DMAC2L: variants seen among roughly 807,000 people sequenced by gnomAD.
DMAC2L encodes ATP synthase subunit s, mitochondrial.
DMAC2L carries 21 observed loss-of-function variants against 22.5 expected under a neutral mutation model. The observed-to-expected ratio is 0.93, with a 90% CI of 0.66 to 1.34. The LOEUF (loss-of-function observed/expected upper bound fraction) is 1.34, where lower values mean the gene tolerates loss of function less well. Among genes scored for constraint, DMAC2L ranks in the 40% most tolerant of loss-of-function variants. The pLI is 0.00. For synonymous variants in DMAC2L, 86 were observed against 89.5 expected (o/e 0.96, Z 0.22); for missense variants, 239 against 246.5 (o/e 0.97, Z 0.20).
At chr14:50,320,068 A>G (rs1328372034) in intron 2 of DMAC2L, among the ~76,000 whole-genome samples, 1 of 152,070 alleles carries the variant, frequency 6.6e-6, no homozygotes, top group Non-Finnish European at 1.5e-5. Context: ...CAACCGTAAC[A>G]ATGCCAATGC....
chr14:50,318,932 C>A, intron 2 of DMAC2L: 2 of 699,374 alleles, frequency 2.9e-6, no homozygotes, highest in Non-Finnish European at 3.5e-6. Context: ...GTGTCTCTTT[C>A]TCCTTTGTTC....
At chr14:50,312,173 T>A (rs768957165), upstream of DMAC2L, 2 of 1,607,700 alleles carry the variant, frequency 1.2e-6, no homozygotes, top group East Asian at 2.2e-5. Flanking sequence ...CTCCCCTCCC[T>A]CAGCGCTCAG....
chr14:50,325,574 G>A, intron 5 of DMAC2L, 35 bp from the exon 6 acceptor site: 1 of 1,558,132 alleles, frequency 6.4e-7, no homozygotes, highest in Non-Finnish European at 8.8e-7. Context: ...TAATGCTCTT[G>A]GCCAAATTGA....
Position 50,314,600 on chromosome 14 carries a change from C to T in DMAC2L, c.-32C>T. The stretch of plus-strand genomic sequence containing the variant: ...GTTTTTGTTTCTCTAGGATAAGTGC[C>T]CAAGAGTACAATTGCTGGGTCATAT... On this transcript the variant is annotated 5_prime_UTR_variant, in exon 2 of 6. Coordinates refer to ENST00000557421, the MANE Select transcript of DMAC2L (RefSeq NM_001382507.1). 2.2e-6 allele frequency: 1 copy of T among 455,382 alleles called. No individual in the cohort carries two copies. The highest frequency in any genetic ancestry group is 1.5e-5 in the South Asian group (1 of 64,524). 28.2% of individuals were successfully genotyped at this position (455,382 alleles called of 1,614,324 possible). A position where few individuals can be genotyped will look rare whatever the true frequency, so the allele number is the denominator to read the frequency against.
chr14:50,325,159 T>G (rs2032625770), intron 5 of DMAC2L, among the ~76,000 whole-genome samples: 2 of 152,190 alleles, frequency 1.3e-5, no homozygotes, highest in African/African-American at 2.4e-5. Flanking sequence ...CTTTAATATA[T>G]AATGGATCTG....
chr14:50,319,255 G>C, intron 2 of DMAC2L: 1 of 1,536,094 alleles, frequency 6.5e-7, no homozygotes, highest in East Asian at 2.4e-5. Context: ...TAGTGGAGCA[G>C]AGGCTTGCAG....
chr14:50,322,729 C>G lies in DMAC2L; in HGVS notation c.316+10C>G, dbSNP rs746213640. ...GGATTTGATCACATGGGTAACTACC[C>G]TATCGTTTTGCTAATAGAAAATGCA... On this transcript the variant is annotated intron_variant, in intron 4 of 5. Coordinates refer to ENST00000557421, the MANE Select transcript of DMAC2L (RefSeq NM_001382507.1). 6 of 1,613,964 alleles carry G rather than the reference C, an allele frequency of 3.7e-6. No homozygotes were observed. Among genetic ancestry groups the G allele is most frequent in the East Asian group, 2.2e-5 (1 of 44,898 alleles).
At chr14:50,313,214 C>T (rs2031420001) in intron 1 of DMAC2L, among the ~76,000 whole-genome samples, 1 of 152,206 alleles carries the variant, frequency 6.6e-6, no homozygotes, top group Admixed American at 6.5e-5. Flanking sequence ...AGGGTTAGGA[C>T]AGCTGAACAT....
intron 3 of DMAC2L, among the ~76,000 whole-genome samples, chr14:50,322,292 C>T (rs1394489544): frequency 6.6e-6 from 1 of 152,180 alleles, no homozygotes; most frequent in Non-Finnish European, 1.5e-5. Context: ...TGACAGCGTT[C>T]ACGTGGAAAC....
chr14:50,315,883 C>A (rs542667177), intron 2 of DMAC2L, among the ~76,000 whole-genome samples: 20 of 152,166 alleles, frequency 1.3e-4, no homozygotes, highest in African/African-American at 4.6e-4. Flanking sequence ...GTGCAAGTAT[C>A]TTTTTTGTAT....
intron 4 of DMAC2L, 139 bp downstream of exon 4, chr14:50,322,858 T>G (rs965781990): frequency 6.0e-6 from 9 of 1,488,742 alleles, no homozygotes; most frequent in Non-Finnish European, 8.1e-6. Flanking sequence ...CTTCCTGTGT[T>G]TGATATTTAT....
rs1399187606 is a variant in DMAC2L, at chr14:50,326,812, G to A, written c.*1089G>A. Reference sequence around the variant, plus strand: ...TCCCAGTGCTTTGGGAGGCTGAGGTGGGAGGATCACTTGAGACCAGGAGTT... The same window carrying A: ...TCCCAGTGCTTTGGGAGGCTGAGGTAGGAGGATCACTTGAGACCAGGAGTT... On this transcript the variant is annotated 3_prime_UTR_variant, in exon 6 of 6. Coordinates refer to ENST00000557421, the MANE Select transcript of DMAC2L (RefSeq NM_001382507.1). 2.1e-6 allele frequency: 2 copies of A among 949,996 alleles called. No homozygotes were observed. The highest frequency in any genetic ancestry group is 4.9e-5 in the South Asian group (1 of 20,500). 58.8% of individuals were successfully genotyped at this position (949,996 alleles called of 1,614,324 possible).
chr14:50,322,588 T>G lies in DMAC2L; in HGVS notation c.185T>G (p.Val62Gly), dbSNP rs1595212456. Reference sequence around the variant, plus strand: ...TGGTTGCTGCGCTGTGGGGCCATGGTGCGCTACCATGGCCAGGAGAGGTGG... The same window carrying G: ...TGGTTGCTGCGCTGTGGGGCCATGGGGCGCTACCATGGCCAGGAGAGGTGG... Reference protein sequence around the residue: ...SEWLLRCGAMVRYHGQERWQK... With the variant: ...SEWLLRCGAMGRYHGQERWQK... The change falls in exon 4 of 6, where the codon GTG becomes GGG. Residue 62 changes from valine to glycine, a missense_variant. Val to Gly is a moderately radical substitution (Grantham distance 109). Transcript: ENST00000557421. 1 of 1,614,170 alleles carries G rather than the reference T, an allele frequency of 6.2e-7. No individual in the cohort carries two copies.
At chr14:50,312,233 G>C, upstream of DMAC2L, 3 of 1,554,610 alleles carry the variant, frequency 1.9e-6, no homozygotes, top group Non-Finnish European at 2.6e-6. Context: ...CTTTAGCCCC[G>C]CCCCTCACGC....
intron 1 of DMAC2L, chr14:50,312,904 C>A: frequency 9.6e-7 from 1 of 1,043,746 alleles, no homozygotes; most frequent in Non-Finnish European, 1.5e-6. Context: ...AAATATGGAG[C>A]GCCTGCTCTG....
At chr14:50,312,863 T>C (rs940977686) in intron 1 of DMAC2L, 16 of 714,370 alleles carry the variant, frequency 2.2e-5, no homozygotes, top group Non-Finnish European at 3.6e-5. Flanking sequence ...CTCCTGGCGG[T>C]GCTATTCATT....
intron 2 of DMAC2L, among the ~76,000 whole-genome samples, chr14:50,317,806 C>T (rs745713892): frequency 2.6e-5 from 4 of 151,080 alleles, no homozygotes; most frequent in Non-Finnish European, 4.4e-5. Context: ...TGGTGAGAGT[C>T]GGCATCCTTA....
chr14:50,314,922 G>A (rs2031633305), intron 2 of DMAC2L, among the ~76,000 whole-genome samples: 1 of 151,678 alleles, frequency 6.6e-6, no homozygotes, highest in Non-Finnish European at 1.5e-5. Context: ...GATTACAGGT[G>A]TGAGCCACTG....
chr14:50,319,262 G>T (rs1335981129), intron 2 of DMAC2L: 2 of 1,536,100 alleles, frequency 1.3e-6, no homozygotes, highest in Non-Finnish European at 1.7e-6. Context: ...GCAGAGGCTT[G>T]CAGTAATGAA....
Sources: gnomAD v4.1 joint callset for allele counts (sites outside exome capture counted in the v4.1 genomes callset) on GRCh38, gnomAD v4.1.1 for gene constraint, MANE v1.5 for transcripts, NCBI Gene and HGNC (gene_info 2026-07-23, HGNC 2026-07-21) for gene names.